Variants in KCNH8 observed in about 807,000 individuals in gnomAD.
The protein encoded by KCNH8 is voltage-gated delayed rectifier potassium channel KCNH8.
Under a neutral mutation model 103.6 loss-of-function variants are expected in KCNH8, and 70 were observed. The ratio of observed to expected loss-of-function variants is 0.68; its 90% CI spans 0.56 to 0.82. The LOEUF is 0.82. KCNH8 is among the 40% of genes least tolerant of loss of function. KCNH8 has a pLI of 0.00. For missense variants in KCNH8, 1,217 were observed against 1,329.9 expected (o/e 0.92, Z 1.32); for synonymous variants, 498 against 489.4 (o/e 1.02, Z -0.23).
intron 3 of KCNH8, among the ~76,000 whole-genome samples, chr3:19,295,237 A>G (rs1393526931): frequency 6.6e-6 from 1 of 152,052 alleles, no homozygotes; most frequent in South Asian, 2.1e-4. Flanking sequence ...AAAAAAATTT[A>G]GCCTGGTGTG....
chr3:19,299,194 A>G (rs1453940856), intron 3 of KCNH8, among the ~76,000 whole-genome samples: 1 of 152,204 alleles, frequency 6.6e-6, no homozygotes, highest in African/African-American at 2.4e-5. Context: ...AAATAAAAAG[A>G]AAAATTTCAT....
intron 5 of KCNH8, among the ~76,000 whole-genome samples, chr3:19,359,666 A>G (rs542576043): frequency 6.6e-6 from 1 of 152,210 alleles, no homozygotes; most frequent in South Asian, 2.1e-4. Flanking sequence ...CCCAGTTGTG[A>G]CAATCAAAAT....
chr3:19,258,101 C>T (rs1020122318), intron 2 of KCNH8, among the ~76,000 whole-genome samples: 13 of 151,946 alleles, frequency 8.6e-5, no homozygotes, highest in Admixed American at 3.3e-4. Flanking sequence ...ACTTGATTAC[C>T]TCTGTAAAGA....
At chr3:19,189,671 C>A (rs2063533216) in intron 1 of KCNH8, among the ~76,000 whole-genome samples, 2 of 151,908 alleles carry the variant, frequency 1.3e-5, no homozygotes, top group African/African-American at 4.8e-5. Context: ...CCTTCAGAAA[C>A]ATAGCTTTAT....
At chr3:19,444,751 C>T (rs1385724215) in intron 8 of KCNH8, among the ~76,000 whole-genome samples, 1 of 151,150 alleles carries the variant, frequency 6.6e-6, no homozygotes. Flanking sequence ...CAAAGGTGCT[C>T]AATGTCATTA....
Position 19,395,097 on chromosome 3 carries a change from A to C in KCNH8, c.970-7A>C. On this transcript the variant is annotated splice_region_variant and splice_polypyrimidine_tract_variant and intron_variant, in intron 6 of 15. Transcript: ENST00000328405. ...ACCAAGTTGTGCTGCTCTGTCTCTT[A>C]CCACAGGTGTCTCTCGTGCATCTTC... 6.2e-7 allele frequency: 1 copy of C among 1,609,252 alleles called. No individual in the cohort carries two copies. The highest frequency in any genetic ancestry group is 8.5e-7 in the Non-Finnish European group (1 of 1,177,220).
chr3:19,503,784 A>T (rs1438614857), intron 11 of KCNH8, among the ~76,000 whole-genome samples: 2 of 59,192 alleles, frequency 3.4e-5, no homozygotes, highest in Admixed American at 2.1e-4. Context: ...ATTGTGGGGT[A>T]GGGGGAGGGG....
At chr3:19,359,071 TAGTAA>T (rs762365340) in intron 5 of KCNH8, among the ~76,000 whole-genome samples, 1 of 152,058 alleles carries the variant, frequency 6.6e-6, no homozygotes, top group South Asian at 2.1e-4. Context: ...ACTTAATGGG[TAGTAA>T]CTCACATGCT....
At chr3:19,501,606 G>C (rs962969235) in intron 11 of KCNH8, among the ~76,000 whole-genome samples, 2 of 152,222 alleles carry the variant, frequency 1.3e-5, no homozygotes, top group African/African-American at 2.4e-5. Flanking sequence ...TCCCTGGGAT[G>C]CAAGGCTGGT....
At chr3:19,460,220 T>A (rs2067601108) in intron 11 of KCNH8, among the ~76,000 whole-genome samples, 1 of 152,084 alleles carries the variant, frequency 6.6e-6, no homozygotes, top group Non-Finnish European at 1.5e-5. Flanking sequence ...TAGCCTTTAT[T>A]CCTAAAACAG....
intron 13 of KCNH8, among the ~76,000 whole-genome samples, chr3:19,514,818 G>A (rs1254784337): frequency 6.6e-6 from 1 of 151,740 alleles, no homozygotes; most frequent in African/African-American, 2.4e-5. Context: ...TTAGGTCAGA[G>A]GACTTTTGTA....
chr3:19,485,622 C>T (rs1413825423), intron 11 of KCNH8, among the ~76,000 whole-genome samples: 1 of 152,148 alleles, frequency 6.6e-6, no homozygotes, highest in Non-Finnish European at 1.5e-5. Flanking sequence ...TTACTTGCCC[C>T]CTTTCTGCAT....
intron 5 of KCNH8, among the ~76,000 whole-genome samples, chr3:19,364,568 T>C (rs1196215997): frequency 6.6e-6 from 1 of 152,132 alleles, no homozygotes; most frequent in African/African-American, 2.4e-5. Flanking sequence ...CCTGCGTATA[T>C]AGCAATAATT....
chr3:19,343,264 T>C (rs772785531), intron 4 of KCNH8, among the ~76,000 whole-genome samples: 6 of 152,072 alleles, frequency 3.9e-5, no homozygotes, highest in Non-Finnish European at 8.8e-5. Flanking sequence ...TTTGGGAAAG[T>C]CACACTTCTA....
intron 11 of KCNH8, among the ~76,000 whole-genome samples, chr3:19,484,122 ATACTT>A (rs1348810715): frequency 6.6e-6 from 1 of 152,088 alleles, no homozygotes; most frequent in Non-Finnish European, 1.5e-5. Flanking sequence ...GTTCTGGCTA[ATACTT>A]TACTTGTATT....
chr3:19,227,609 C>G (rs1004374674), intron 1 of KCNH8, among the ~76,000 whole-genome samples: 2 of 152,128 alleles, frequency 1.3e-5, no homozygotes. Flanking sequence ...ATATCAGCTA[C>G]CTATGGCCTA....
intron 1 of KCNH8, among the ~76,000 whole-genome samples, chr3:19,245,095 AC>A (rs1212203040): frequency 1.3e-5 from 2 of 152,196 alleles, no homozygotes; most frequent in African/African-American, 4.8e-5. Flanking sequence ...TTGAAGTCTT[AC>A]ATTTAAATCT....
chr3:19,343,512 G>T (rs2065688895), intron 4 of KCNH8, among the ~76,000 whole-genome samples: 1 of 152,012 alleles, frequency 6.6e-6, no homozygotes, highest in African/African-American at 2.4e-5. Context: ...TCATTAATTT[G>T]CCTTATGGAA....
intron 2 of KCNH8, among the ~76,000 whole-genome samples, chr3:19,263,708 G>A (rs1191313331): frequency 2.0e-5 from 3 of 152,000 alleles, no homozygotes; most frequent in Non-Finnish European, 2.9e-5. Flanking sequence ...CATATTTAGT[G>A]GGGCAGCCAC....
Sources: gnomAD v4.1 joint callset for allele counts (sites outside exome capture counted in the v4.1 genomes callset) on GRCh38, gnomAD v4.1.1 for gene constraint, MANE v1.5 for transcripts, NCBI Gene and HGNC (gene_info 2026-07-23, HGNC 2026-07-21) for gene names.